The following RIMBP2 variants were observed in gnomAD, a reference collection of about 807,000 sequenced individuals.
RIMBP2 encodes RIMS binding protein 2.
In RIMBP2, 48 loss-of-function variants were observed where a neutral mutation model predicts 118.6. The observed-to-expected ratio is 0.40, with a 90% CI of 0.32 to 0.51. The LOEUF is 0.51. Among genes scored for constraint, RIMBP2 ranks in the 20% least tolerant of loss-of-function variants. RIMBP2 has a pLI of 0.41. For missense variants in RIMBP2, 1,551 were observed against 1,768.3 expected (o/e 0.88, Z 2.20); for synonymous variants, 762 against 742.9 (o/e 1.03, Z -0.42).
chr12:130,584,985 G>C (rs1464984383), intron 2 of RIMBP2, among the ~76,000 whole-genome samples: 3 of 151,972 alleles, frequency 2.0e-5, no homozygotes, highest in African/African-American at 4.8e-5. Context: ...CAATCTCTTG[G>C]GCTCAAGCAA....
At position 130,434,239 on chromosome 12, in the gene RIMBP2, G is replaced by A. The variant is rs565007954; in HGVS notation, c.2253+495C>T. Among the ~76,000 whole-genome samples the A allele has an allele frequency of 3.1e-4, 47 of 152,266 alleles. No individual in the cohort carries two copies. Among genetic ancestry groups the A allele is most frequent in the African/African-American group, 9.1e-4 (38 of 41,556 alleles). ...CATTTCCATTAGAATATGCACGATC[G>A]GAAATTAGACAGAAACCCCAAACTG... On this transcript the variant is annotated intron_variant, in intron 14 of 22. Coordinates refer to ENST00000690449, the MANE Select transcript of RIMBP2 (RefSeq NM_001393629.1). This position sits in a 1 kb window ranked among gnomAD's most constrained non-coding sequence, Gnocchi z 5.7.
chr12:130,497,244 G>A (rs1378274622), intron 4 of RIMBP2, among the ~76,000 whole-genome samples: 1 of 152,142 alleles, frequency 6.6e-6, no homozygotes, highest in Non-Finnish European at 1.5e-5. Flanking sequence ...CCAGTTCTGG[G>A]TGGACATGAC....
In RIMBP2 at chr12:130,442,551, G is replaced by T. The variant is rs750461647; in HGVS notation, c.801C>A (p.Asn267Lys). 4.3e-6 allele frequency: 7 copies of T among 1,614,084 alleles called. No individual in the cohort carries two copies. Among genetic ancestry groups the T allele is most frequent in the Non-Finnish European group, 5.9e-6 (7 of 1,180,042 alleles). Residue 267 changes from asparagine to lysine, a missense_variant, in exon 11 of 23, where the codon AAC becomes AAA. Asn to Lys is a moderately conservative substitution (Grantham distance 94, BLOSUM62 0). Coordinates refer to ENST00000690449, the MANE Select transcript of RIMBP2 (RefSeq NM_001393629.1). The surrounding 1 kb of genome is among the most constrained non-coding windows in gnomAD (Gnocchi z 6.9). ...ASTLGNEQDQ[N>K]FINHSGIGLE... ...GGCCGATGCCGGAATGGTTGATGAAGTTCTGATCCTGCTCGTTCCCCAGCG... is the reference window on the plus strand; with the variant it reads ...GGCCGATGCCGGAATGGTTGATGAATTTCTGATCCTGCTCGTTCCCCAGCG...
intron 4 of RIMBP2, among the ~76,000 whole-genome samples, chr12:130,491,633 T>C (rs538914939): frequency 1.3e-5 from 2 of 152,114 alleles, no homozygotes; most frequent in South Asian, 4.2e-4. Flanking sequence ...TTCCTGGGAG[T>C]GCAAGGGGCC....
intron 4 of RIMBP2, among the ~76,000 whole-genome samples, chr12:130,482,425 G>A (rs775535129): frequency 1.3e-5 from 2 of 152,332 alleles, no homozygotes; most frequent in African/African-American, 2.4e-5. Flanking sequence ...TCGATGAAAC[G>A]AGAAGGGCCC....
chr12:130,482,216 G>A (rs2082074666), intron 4 of RIMBP2, among the ~76,000 whole-genome samples: 2 of 152,224 alleles, frequency 1.3e-5, no homozygotes, highest in African/African-American at 2.4e-5. Context: ...ACCCTCATGA[G>A]GCCCTCCGTG....
chr12:130,503,905 G>A (rs2050050399), intron 4 of RIMBP2, among the ~76,000 whole-genome samples: 1 of 151,988 alleles, frequency 6.6e-6, no homozygotes, highest in African/African-American at 2.4e-5. Context: ...AATGATTTTG[G>A]TAATTAGGCC....
intron 11 of RIMBP2, among the ~76,000 whole-genome samples, chr12:130,441,401 A>AAATAATAATAATAATAATAAT (rs58605863): frequency 8.1e-6 from 1 of 122,902 alleles, no homozygotes; most frequent in Admixed American, 8.4e-5. Flanking sequence ...ACTCCATCTC[A>AAATAATAATAATAATAATAAT]AATAATAATA....
Position 130,656,486 on chromosome 12 carries a change from G to A in RIMBP2, c.-351-28030C>T, listed in dbSNP as rs184249240. 8.3e-4 allele frequency among the ~76,000 whole-genome samples: 127 copies of A among 152,256 alleles called. 1 individual carries two copies. The Middle Eastern group carries it at 0.02, about 24-fold the overall frequency. ...CACAAACCAAGTGTCTTAAACAACA[G>A]AAATTTCCTCTCTCAGCTCTGGAGG... On this transcript the variant is annotated intron_variant, in intron 1 of 22. Coordinates refer to ENST00000690449, the MANE Select transcript of RIMBP2 (RefSeq NM_001393629.1).
rs558821785 is a variant in RIMBP2 at position 130,576,316 on chromosome 12, T to C, written c.-217+52006A>G. Among the ~76,000 whole-genome samples, 1 of 152,198 alleles carries C rather than the reference T, an allele frequency of 6.6e-6. No individual in the cohort carries two copies. Among genetic ancestry groups the C allele is most frequent in the South Asian group, 2.1e-4 (1 of 4,816 alleles). ...GTTTCATGACCATAGACATGGGCAT[T>C]TGCTTCCAAGAGCAATGGCCCTGCA... On this transcript the variant is annotated intron_variant, in intron 2 of 22. Coordinates refer to ENST00000690449, the MANE Select transcript of RIMBP2 (RefSeq NM_001393629.1). This position sits in a 1 kb window ranked among gnomAD's most constrained non-coding sequence, Gnocchi z 4.2.
At chr12:130,697,292 C>T (rs1484684631) in intron 1 of RIMBP2, among the ~76,000 whole-genome samples, 2 of 152,144 alleles carry the variant, frequency 1.3e-5, no homozygotes, top group South Asian at 2.1e-4. Flanking sequence ...GAGGTGAAGG[C>T]GGGAGAACTG....
chr12:130,451,548 C>G (rs973795267), intron 7 of RIMBP2, among the ~76,000 whole-genome samples: 1 of 152,258 alleles, frequency 6.6e-6, no homozygotes. Flanking sequence ...GCTGGCAGAG[C>G]CACCCTGGCG....
In RIMBP2 at chr12:130,511,777, CCA is replaced by C. The variant is rs2050934866; in HGVS notation, c.-126-5009_-126-5008del. 6.6e-6 allele frequency among the ~76,000 whole-genome samples: 1 copy of C among 152,128 alleles called. No homozygotes were observed. The highest frequency in any genetic ancestry group is 1.5e-5 in the Non-Finnish European group (1 of 68,038). Reference sequence around the variant, plus strand: ...AAAGCTTCAGCCCCTCTTCCTCCCACCACAGTGGGGATGCGACCCTTCGAGAT... The same window carrying C: ...AAAGCTTCAGCCCCTCTTCCTCCCACCAGTGGGGATGCGACCCTTCGAGAT... On this transcript the variant is annotated intron_variant, in intron 3 of 22. Transcript: ENST00000690449. This position sits in a 1 kb window ranked among gnomAD's most constrained non-coding sequence, Gnocchi z 4.3.
chr12:130,417,921 C>T (rs1014677734), intron 17 of RIMBP2, among the ~76,000 whole-genome samples: 9 of 152,120 alleles, frequency 5.9e-5, no homozygotes, highest in African/African-American at 2.2e-4. Flanking sequence ...GGTGGTCTCA[C>T]AACACCATCA....
At chr12:130,598,527 G>A (rs2059684289) in intron 2 of RIMBP2, among the ~76,000 whole-genome samples, 1 of 152,138 alleles carries the variant, frequency 6.6e-6, no homozygotes, top group Admixed American at 6.5e-5. Context: ...AGGAGATCGA[G>A]ACCATCCTGG....
chr12:130,536,983 A>C lies in RIMBP2; in HGVS notation c.-216-19066T>G, dbSNP rs1033429814. Among the ~76,000 whole-genome samples, 4 of 152,334 alleles carry C rather than the reference A, an allele frequency of 2.6e-5. No individual in the cohort carries two copies. The East Asian group carries it at 7.7e-4, about 29-fold the overall frequency. On this transcript the variant is annotated intron_variant, in intron 2 of 22. Coordinates refer to ENST00000690449, the MANE Select transcript of RIMBP2 (RefSeq NM_001393629.1). Reference sequence around the variant, plus strand: ...ACAAGACAACCCCAAATTGGGAGATATTCTGTAACATATCTGGCCAGTACT... The same window carrying C: ...ACAAGACAACCCCAAATTGGGAGATCTTCTGTAACATATCTGGCCAGTACT...
At chr12:130,615,858 T>A (rs1232982131) in intron 2 of RIMBP2, among the ~76,000 whole-genome samples, 1 of 152,142 alleles carries the variant, frequency 6.6e-6, no homozygotes, top group African/African-American at 2.4e-5. Context: ...GGCACCGGTT[T>A]CAAACGTCTG....
At chr12:130,574,526 G>A (rs1056864988) in intron 2 of RIMBP2, among the ~76,000 whole-genome samples, 1 of 152,150 alleles carries the variant, frequency 6.6e-6, no homozygotes, top group African/African-American at 2.4e-5. Flanking sequence ...TTACATAAAA[G>A]CTCCCAGTGT....
chr12:130,615,276 C>CATATATGTATGTATATATATATAT (rs1555309136), intron 2 of RIMBP2, among the ~76,000 whole-genome samples: 3 of 100,266 alleles, frequency 3.0e-5, no homozygotes, highest in African/African-American at 1.2e-4. Flanking sequence ...AATACACATA[C>CATATATGTATGTATATATATATAT]ATATATATAT....
Sources: gnomAD v4.1 joint callset for allele counts (sites outside exome capture counted in the v4.1 genomes callset) on GRCh38, gnomAD v4.1.1 for gene constraint, Gnocchi (gnomAD v3.1) non-coding constraint, MANE v1.5 for transcripts, NCBI Gene and HGNC (gene_info 2026-07-23, HGNC 2026-07-21) for gene names.